Variants in ADD1 observed in about 807,000 individuals in gnomAD.
ADD1 encodes adducin 1.
In ADD1, 24 loss-of-function variants were observed where a neutral mutation model predicts 80.5. That is an observed-to-expected ratio of 0.30 (90% CI 0.22 to 0.42). The LOEUF is 0.42. Among genes scored for constraint, ADD1 ranks in the 10% least tolerant of loss-of-function variants. The pLI is 1.00. For synonymous variants in ADD1, 373 were observed against 393.8 expected (o/e 0.95, Z 0.63); for missense variants, 948 against 1,019.0 (o/e 0.93, Z 0.95).
chr4:2,853,883 C>T (rs376215896), intron 1 of ADD1, among the ~76,000 whole-genome samples: 136 of 152,254 alleles, frequency 8.9e-4, no homozygotes, highest in African/African-American at 3.0e-3. Context: ...GGATTAAAGG[C>T]GTGAGCGACC....
At chr4:2,851,549 T>C (rs1727074699) in intron 1 of ADD1, among the ~76,000 whole-genome samples, 1 of 152,244 alleles carries the variant, frequency 6.6e-6, no homozygotes, top group South Asian at 2.1e-4. Context: ...TATTTTTTTG[T>C]CTGATACAGC....
Position 2,898,188 on chromosome 4 carries a change from C to G in ADD1, c.746C>G (p.Ser249Cys). 6.2e-7 allele frequency: 1 copy of G among 1,612,974 alleles called. No individual in the cohort carries two copies. Among genetic ancestry groups the G allele is most frequent in the East Asian group, 2.2e-5 (1 of 44,874 alleles). Residue 249 changes from serine (S) to cysteine (C), a missense_variant, in exon 7 of 16, where the codon TCT (serine) becomes TGT (cysteine). Coordinates refer to ENST00000683351, the MANE Select transcript of ADD1 (RefSeq NM_001354761.2). ...HIHTPAGAAV[S>C]AMKCGLLPIS... The stretch of plus-strand genomic sequence containing the variant: ...TGGCGACCATTTGGTCTCTAGGTCT[C>G]TGCAATGAAATGTGGCCTCTTGCCA...
intron 2 of ADD1, among the ~76,000 whole-genome samples, chr4:2,880,044 T>G (rs1731985501): frequency 6.6e-6 from 1 of 152,162 alleles, no homozygotes; most frequent in South Asian, 2.1e-4. Flanking sequence ...TCTCCCTTTC[T>G]CTCTCATTGC....
At chr4:2,861,990 C>G (rs756403870) in intron 1 of ADD1, among the ~76,000 whole-genome samples, 2 of 152,210 alleles carry the variant, frequency 1.3e-5, no homozygotes, top group African/African-American at 4.8e-5. Context: ...CGAGACAATT[C>G]TTCTTCCAGT....
intron 14 of ADD1, among the ~76,000 whole-genome samples, chr4:2,920,613 T>G (rs1195590318): frequency 1.1e-4 from 17 of 151,824 alleles, no homozygotes; most frequent in African/African-American, 3.6e-4. Flanking sequence ...AAATTTTTGT[T>G]GGCTTAAAGT....
chr4:2,860,960 A>G (rs1285327404), intron 1 of ADD1, among the ~76,000 whole-genome samples: 2 of 152,224 alleles, frequency 1.3e-5, no homozygotes, highest in Non-Finnish European at 2.9e-5. Flanking sequence ...CAAAAAGTCC[A>G]GGGTGATTTG....
intron 4 of ADD1, among the ~76,000 whole-genome samples, chr4:2,890,506 A>G (rs1734126369): frequency 6.6e-6 from 1 of 152,120 alleles, no homozygotes; most frequent in Admixed American, 6.6e-5. Context: ...TCCCAGGTTC[A>G]CGCCATTCTC....
At chr4:2,868,463 T>TA (rs1729894378) in intron 1 of ADD1, among the ~76,000 whole-genome samples, 1 of 152,248 alleles carries the variant, frequency 6.6e-6, no homozygotes, top group South Asian at 2.1e-4. Flanking sequence ...ACAATCTTGT[T>TA]ACTCTTTCCA....
chr4:2,903,006 A>G (rs1466735644), intron 9 of ADD1: 3 of 151,994 alleles, frequency 2.0e-5, no homozygotes, highest in Admixed American at 6.6e-5. Context: ...AGCCTGGGCA[A>G]TGGAGTGAGA....
At chr4:2,878,341 A>G (rs1324182504) in intron 2 of ADD1, among the ~76,000 whole-genome samples, 1 of 152,158 alleles carries the variant, frequency 6.6e-6, no homozygotes, top group Non-Finnish European at 1.5e-5. Context: ...AGAGGTAGGA[A>G]GAAGTAGATT....
chr4:2,893,893 A>G (rs1373163275), intron 4 of ADD1, 120 bp from the exon 5 acceptor site: 6 of 854,172 alleles, frequency 7.0e-6, no homozygotes, highest in African/African-American at 1.7e-5. Context: ...GGCATTGTGC[A>G]TGGACGCTTC....
At chr4:2,859,875 C>T (rs762200065) in intron 1 of ADD1, among the ~76,000 whole-genome samples, 26 of 152,034 alleles carry the variant, frequency 1.7e-4, no homozygotes, top group Non-Finnish European at 3.1e-4. Context: ...ACATACTTTT[C>T]CATCTTACTG....
At chr4:2,928,044 C>T (rs1560269068) in intron 15 of ADD1, 127 bp from the exon 16 acceptor site, 5 of 830,470 alleles carry the variant, frequency 6.0e-6, no homozygotes, top group East Asian at 4.9e-5. Flanking sequence ...TTTTAAGTTT[C>T]TTGTCTTGGT....
intron 1 of ADD1, among the ~76,000 whole-genome samples, chr4:2,871,355 G>A (rs1221902979): frequency 1.3e-5 from 2 of 152,164 alleles, no homozygotes; most frequent in Non-Finnish European, 2.9e-5. Context: ...AACTGAAGGG[G>A]AAATATGATT....
At chr4:2,922,833 G>A (rs571148868) in intron 14 of ADD1, among the ~76,000 whole-genome samples, 26 of 152,212 alleles carry the variant, frequency 1.7e-4, no homozygotes, top group Non-Finnish European at 3.4e-4. Context: ...GAGATGCCCC[G>A]CCCAGGGAGG....
chr4:2,869,035 C>G (rs1452900208), intron 1 of ADD1, among the ~76,000 whole-genome samples: 1 of 152,184 alleles, frequency 6.6e-6, no homozygotes, highest in Non-Finnish European at 1.5e-5. Flanking sequence ...GTGCTACTCC[C>G]TAAAGCTCAG....
chr4:2,899,251 T>C lies in ADD1; in HGVS notation c.985-8T>C, dbSNP rs1405261534. 1.3e-5 allele frequency: 21 copies of C among 1,601,932 alleles called. No homozygotes were observed. Among genetic ancestry groups the C allele is most frequent in the Non-Finnish European group, 1.8e-5 (21 of 1,171,480 alleles). On this transcript the variant is annotated splice_region_variant and splice_polypyrimidine_tract_variant and intron_variant, in intron 8 of 15. Transcript: ENST00000683351. ...AACTCAAGCCATGCTGTGTGTGTTTTGGAAAAGGTTCGAACTCTGGCCAGT... is the reference window on the plus strand; with the variant it reads ...AACTCAAGCCATGCTGTGTGTGTTTCGGAAAAGGTTCGAACTCTGGCCAGT...
intron 4 of ADD1, among the ~76,000 whole-genome samples, chr4:2,892,467 G>A (rs1734456809): frequency 6.6e-6 from 1 of 152,088 alleles, no homozygotes; most frequent in Non-Finnish European, 1.5e-5. Flanking sequence ...TAATTACTGT[G>A]GGAGAAAAAC....
At chr4:2,895,197 A>T (rs1367769611) in intron 6 of ADD1, among the ~76,000 whole-genome samples, 2 of 152,158 alleles carry the variant, frequency 1.3e-5, no homozygotes, top group East Asian at 1.9e-4. Context: ...TTGAGGTTTC[A>T]GTGAGCTATG....
Sources: allele counts gnomAD v4.1 joint callset (sites outside exome capture counted in the v4.1 genomes callset), GRCh38; gene constraint gnomAD v4.1.1; transcripts MANE v1.5; gene names NCBI Gene and HGNC (gene_info 2026-07-23, HGNC 2026-07-21).